RBFOX1: variants seen among roughly 807,000 people sequenced by gnomAD.
RBFOX1 encodes RNA binding protein fox-1 homolog 1.
In RBFOX1, 8 loss-of-function variants were observed where a neutral mutation model predicts 57.7. The observed-to-expected ratio is 0.14, with a 90% CI of 0.08 to 0.25. RBFOX1 has a LOEUF of 0.25. RBFOX1 is among the 10% of genes least tolerant of loss of function. The probability of loss-of-function intolerance (pLI) is 1.00; values close to 1 mark genes in which losing one functional copy is unlikely to be tolerated. For missense variants in RBFOX1, 611 were observed against 548.5 expected, an observed-to-expected ratio of 1.11 and a Z score of -1.14; for synonymous variants, 326 against 222.4, an observed-to-expected ratio of 1.47 and a Z score of -4.15.
chr16:6,648,425 C>T (rs138642520), intron 2 of RBFOX1, among the ~76,000 whole-genome samples: 13 of 152,190 alleles, frequency 8.5e-5, no homozygotes, highest in Non-Finnish European at 7.4e-5. Context: ...CTCATACTCC[C>T]CTTATGTGCG....
At chr16:5,487,093 A>G (rs1597262824) in intron 2 of RBFOX1, among the ~76,000 whole-genome samples, 1 of 152,046 alleles carries the variant, frequency 6.6e-6, no homozygotes, top group Non-Finnish European at 1.5e-5. Context: ...TGTAGGTGTC[A>G]TTTCCTCAGG....
intron 1 of RBFOX1, among the ~76,000 whole-genome samples, chr16:6,272,756 T>C (rs1253705250): frequency 6.6e-6 from 1 of 152,154 alleles, no homozygotes; most frequent in Non-Finnish European, 1.5e-5. Context: ...TTTTAAAAAG[T>C]GTATAGAACC....
chr16:6,668,317 G>T (rs892128684), intron 3 of RBFOX1, among the ~76,000 whole-genome samples: 11 of 152,214 alleles, frequency 7.2e-5, no homozygotes, highest in African/African-American at 2.4e-4. Context: ...CCTGCCAAGG[G>T]TGGAGGAGTG....
intron 5 of RBFOX1, among the ~76,000 whole-genome samples, chr16:7,528,235 G>A (rs1600952212): frequency 2.0e-5 from 3 of 152,182 alleles, no homozygotes; most frequent in East Asian, 3.9e-4. Context: ...CATCTGACAA[G>A]TTTCATCGTG....
At chr16:6,239,485 C>CTTT (rs59244306) in intron 1 of RBFOX1, among the ~76,000 whole-genome samples, 11 of 67,802 alleles carry the variant, frequency 1.6e-4, no homozygotes, top group South Asian at 1.7e-3. Flanking sequence ...CCAACTGACT[C>CTTT]TTTTTTTTTT....
intron 1 of RBFOX1, among the ~76,000 whole-genome samples, chr16:6,170,241 T>G (rs1385287593): frequency 1.3e-5 from 2 of 152,200 alleles, no homozygotes; most frequent in Admixed American, 1.3e-4. Context: ...GAAAGCCGTG[T>G]TCATGTCCAG....
chr16:7,432,031 C>T (rs149459586), intron 4 of RBFOX1, among the ~76,000 whole-genome samples: 1 of 152,320 alleles, frequency 6.6e-6, no homozygotes, highest in East Asian at 1.9e-4. Flanking sequence ...CACTTGCTTT[C>T]CTTACACCCA....
intron 3 of RBFOX1, among the ~76,000 whole-genome samples, chr16:6,894,496 T>G (rs1374075906): frequency 6.6e-6 from 1 of 152,186 alleles, no homozygotes; most frequent in Non-Finnish European, 1.5e-5. Context: ...ATCTGTCTCA[T>G]GTTTCTGTTC....
chr16:6,609,249 G>T (rs1276331013), intron 2 of RBFOX1, among the ~76,000 whole-genome samples: 3 of 152,346 alleles, frequency 2.0e-5, no homozygotes, highest in South Asian at 2.1e-4. Flanking sequence ...TTACTGGGAA[G>T]ATGTAGTAAA....
intron 3 of RBFOX1, among the ~76,000 whole-genome samples, chr16:6,760,811 A>G (rs1978290): frequency 0.076 from 11,498 of 152,222 alleles, 618 homozygotes; most frequent in East Asian, 0.29. Context: ...AGAGATTCCA[A>G]CTAGAACCAA....
intron 4 of RBFOX1, among the ~76,000 whole-genome samples, chr16:5,941,280 A>C (rs943219054): frequency 1.3e-5 from 2 of 152,134 alleles, no homozygotes; most frequent in Non-Finnish European, 2.9e-5. Flanking sequence ...GATTGAGGCC[A>C]GGAGTTCAAG....
At chr16:6,985,033 G>A (rs754017374) in intron 3 of RBFOX1, among the ~76,000 whole-genome samples, 16 of 144,946 alleles carry the variant, frequency 1.1e-4, no homozygotes, top group Non-Finnish European at 1.8e-4. Flanking sequence ...TGGCTTTGCT[G>A]GCCAGATCCC....
chr16:6,683,628 C>G (rs900177226), intron 3 of RBFOX1, among the ~76,000 whole-genome samples: 1 of 152,048 alleles, frequency 6.6e-6, no homozygotes, highest in Admixed American at 6.6e-5. Flanking sequence ...TTTGCATATC[C>G]AAACTGCATA....
chr16:7,422,005 T>C (rs540203179), intron 4 of RBFOX1, among the ~76,000 whole-genome samples: 3 of 152,242 alleles, frequency 2.0e-5, no homozygotes, highest in African/African-American at 7.2e-5. Context: ...ATAAAAACCC[T>C]CAGAGGCTCT....
intron 3 of RBFOX1, among the ~76,000 whole-genome samples, chr16:6,920,746 A>T (rs2074280849): frequency 6.6e-6 from 1 of 152,168 alleles, no homozygotes; most frequent in South Asian, 2.1e-4. Context: ...CTTCATCTGC[A>T]GTGGGCTTTC....
At chr16:5,901,333 C>T (rs1402502840) in intron 4 of RBFOX1, among the ~76,000 whole-genome samples, 1 of 152,126 alleles carries the variant, frequency 6.6e-6, no homozygotes, top group African/African-American at 2.4e-5. Context: ...TTGGGGTTAC[C>T]TTTTATAATT....
At chr16:6,448,146 T>C (rs1299758798) in intron 2 of RBFOX1, among the ~76,000 whole-genome samples, 2 of 128,038 alleles carry the variant, frequency 1.6e-5, no homozygotes, top group Non-Finnish European at 3.2e-5. Flanking sequence ...TTTTTTCTTT[T>C]CTTTTCTTTC....
intron 3 of RBFOX1, among the ~76,000 whole-genome samples, chr16:6,795,362 G>C (rs1370237091): frequency 6.6e-6 from 1 of 152,022 alleles, no homozygotes; most frequent in African/African-American, 2.4e-5. Flanking sequence ...TTTCACCCGA[G>C]TCCACAACAA....
intron 4 of RBFOX1, among the ~76,000 whole-genome samples, chr16:7,233,120 C>A (rs2093594891): frequency 6.6e-6 from 1 of 152,076 alleles, no homozygotes; most frequent in Non-Finnish European, 1.5e-5. Flanking sequence ...CTTTCCCTTC[C>A]CAGTTAAAAA....
Sources: gnomAD v4.1 joint callset for allele counts (sites outside exome capture counted in the v4.1 genomes callset) on GRCh38, gnomAD v4.1.1 for gene constraint, MANE v1.5 for transcripts, NCBI Gene and HGNC (gene_info 2026-07-23, HGNC 2026-07-21) for gene names.